The following THSD4 variants were observed in gnomAD, a reference collection of about 807,000 sequenced individuals.
THSD4 encodes the protein thrombospondin type 1 domain containing 4.
In THSD4, 69 loss-of-function variants were observed where a neutral mutation model predicts 119.0. The observed-to-expected ratio is 0.58, with a 90% CI of 0.48 to 0.71. The LOEUF is 0.71. Ranked by LOEUF, THSD4 falls within the 30% of genes least tolerant of loss-of-function variation. The probability of loss-of-function intolerance (pLI) is 0.00; values close to 1 mark genes in which losing one functional copy is unlikely to be tolerated. For missense variants in THSD4, 1,393 were observed against 1,391.1 expected, an observed-to-expected ratio of 1.00 and a Z score of -0.02; for synonymous variants, 524 against 540.4, an observed-to-expected ratio of 0.97 and a Z score of 0.42.
chr15:71,732,617 T>G (rs1209053680), intron 10 of THSD4: 1 of 152,248 alleles, frequency 6.6e-6, no homozygotes, highest in Non-Finnish European at 1.5e-5. Flanking sequence ...ATTAGTTCTT[T>G]GAATTCTCAT....
rs188241434 is a variant in THSD4, at chr15:71,520,102, C to G, written c.1152+108279C>G. ...CCTAAACTGTAGATACTATTATTAGCCCCATATCACATAGGAAACTGACAG... is the reference window on the plus strand; with the variant it reads ...CCTAAACTGTAGATACTATTATTAGGCCCATATCACATAGGAAACTGACAG... On this transcript the variant is annotated intron_variant, in intron 7 of 17. Transcript: ENST00000261862. Among the ~76,000 whole-genome samples, 144 of 152,256 alleles carry G rather than the reference C, an allele frequency of 9.5e-4. 1 individual carries two copies. The highest frequency in any genetic ancestry group is 3.4e-3 in the Middle Eastern group (1 of 294).
intron 8 of THSD4, among the ~76,000 whole-genome samples, chr15:71,685,529 A>G (rs1595862410): frequency 6.6e-6 from 1 of 152,142 alleles, no homozygotes; most frequent in African/African-American, 2.4e-5. Context: ...TCATTTTACA[A>G]TTTGCAAATA....
chr15:71,405,197 T>G (rs1288337850), intron 6 of THSD4, among the ~76,000 whole-genome samples: 1 of 152,242 alleles, frequency 6.6e-6, no homozygotes, highest in Non-Finnish European at 1.5e-5. Context: ...CCTTTTCTGT[T>G]GTTTATAAAT....
chr15:71,250,648 T>C (rs1480012812), intron 5 of THSD4, among the ~76,000 whole-genome samples: 2 of 152,188 alleles, frequency 1.3e-5, no homozygotes, highest in Non-Finnish European at 2.9e-5. Flanking sequence ...CATTTTGCCA[T>C]GTGCTTCCTG....
intron 4 of THSD4, among the ~76,000 whole-genome samples, chr15:71,222,555 A>G (rs28681359): frequency 6.6e-6 from 1 of 152,154 alleles, no homozygotes. Context: ...AGCCTCAACT[A>G]TGAAAATCAT....
chr15:71,627,326 A>G (rs2140937808), intron 7 of THSD4, among the ~76,000 whole-genome samples: 1 of 152,360 alleles, frequency 6.6e-6, no homozygotes, highest in Admixed American at 6.5e-5. Context: ...TTCATCTGTG[A>G]CAGGGCCAGT....
intron 7 of THSD4, among the ~76,000 whole-genome samples, chr15:71,585,353 G>T (rs916621399): frequency 2.0e-5 from 3 of 152,140 alleles, no homozygotes; most frequent in African/African-American, 7.2e-5. Flanking sequence ...AGTATTCTTG[G>T]TTGACAGGGT....
intron 7 of THSD4, chr15:71,547,107 T>G: frequency 1.0e-5 from 8 of 768,690 alleles, no homozygotes; most frequent in South Asian, 4.2e-5. Flanking sequence ...GAACTCCACA[T>G]TGATCATTTC....
chr15:71,201,009 T>C (rs1283195180), intron 3 of THSD4, among the ~76,000 whole-genome samples: 1 of 152,168 alleles, frequency 6.6e-6, no homozygotes, highest in Non-Finnish European at 1.5e-5. Flanking sequence ...ACAGTAAGAC[T>C]TACGCTGTGA....
At chr15:71,337,932 G>T (rs2045509735) in intron 6 of THSD4, among the ~76,000 whole-genome samples, 1 of 152,196 alleles carries the variant, frequency 6.6e-6, no homozygotes, top group Admixed American at 6.5e-5. Context: ...CCGCTTCCCT[G>T]TGTAAACTGG....
rs1567151183 is a variant in THSD4 at position 71,780,796 on chromosome 15, A to G, written c.*3422A>G. 2 of 456,040 alleles carry G rather than the reference A, an allele frequency of 4.4e-6. No homozygotes were observed. Among genetic ancestry groups the G allele is most frequent in the Non-Finnish European group, 8.8e-6 (2 of 226,754 alleles). The allele number at this position is 456,040 out of a possible 1,614,324, so 28.2% of individuals were successfully genotyped here. A position where few individuals can be genotyped will look rare whatever the true frequency, so the allele number is the denominator to read the frequency against. ...CTTATGTACTCATCTACTTATTCTC[A>G]AAGTATTTAGCATTCAACACTCTTT... On this transcript the variant is annotated 3_prime_UTR_variant, in exon 18 of 18. Coordinates refer to ENST00000261862, the MANE Select transcript of THSD4 (RefSeq NM_024817.3).
At chr15:71,108,946 C>T (rs748645915) in intron 1 of THSD4, among the ~76,000 whole-genome samples, 8 of 152,076 alleles carry the variant, frequency 5.3e-5, no homozygotes, top group Non-Finnish European at 2.9e-5. Context: ...GAGCCAAGAT[C>T]GCACCACTGC....
At chr15:71,189,967 G>A (rs1213176384) in intron 3 of THSD4, among the ~76,000 whole-genome samples, 1 of 152,156 alleles carries the variant, frequency 6.6e-6, no homozygotes, top group African/African-American at 2.4e-5. Context: ...GCACTGCTGG[G>A]GTGGAAGGCT....
intron 6 of THSD4, among the ~76,000 whole-genome samples, chr15:71,405,188 C>G (rs1327701152): frequency 1.3e-5 from 2 of 152,192 alleles, no homozygotes; most frequent in East Asian, 3.9e-4. Context: ...CATGCCCAGC[C>G]TTTTCTGTTG....
chr15:71,747,911 T>C (rs2053370095), intron 13 of THSD4, among the ~76,000 whole-genome samples: 1 of 152,138 alleles, frequency 6.6e-6, no homozygotes, highest in South Asian at 2.1e-4. Flanking sequence ...ACTTAGAACA[T>C]AGTTTATTCT....
At chr15:71,550,218 G>A (rs1295430796) in intron 7 of THSD4, among the ~76,000 whole-genome samples, 2 of 152,198 alleles carry the variant, frequency 1.3e-5, no homozygotes, top group Non-Finnish European at 2.9e-5. Flanking sequence ...GCGTGCCAAC[G>A]TGCAGCTTCT....
chr15:71,395,908 AAG>A (rs200140156), intron 6 of THSD4, among the ~76,000 whole-genome samples: 34 of 131,924 alleles, frequency 2.6e-4, no homozygotes, highest in East Asian at 1.9e-3. Context: ...CAGTGTTTTG[AAG>A]AGAGACACAC....
chr15:71,560,349 G>A (rs1377688762), intron 7 of THSD4, among the ~76,000 whole-genome samples: 2 of 152,132 alleles, frequency 1.3e-5, no homozygotes, highest in African/African-American at 4.8e-5. Context: ...GCTATTTTTT[G>A]TGTCAAGTTT....
chr15:71,306,816 CATATT>C (rs778958908), intron 6 of THSD4, among the ~76,000 whole-genome samples: 8 of 152,204 alleles, frequency 5.3e-5, no homozygotes, highest in African/African-American at 9.6e-5. Flanking sequence ...GTTTGCCAAA[CATATT>C]ATAGACCCCT....
Sources: gnomAD v4.1 joint callset for allele counts (sites outside exome capture counted in the v4.1 genomes callset) on GRCh38, gnomAD v4.1.1 for gene constraint, MANE v1.5 for transcripts, NCBI Gene and HGNC (gene_info 2026-07-23, HGNC 2026-07-21) for gene names.